Variants in TMEM135 observed in about 807,000 individuals in gnomAD.
TMEM135 encodes the protein transmembrane protein 135.
In TMEM135, 30 loss-of-function variants were observed where a neutral mutation model predicts 60.3. That is an observed-to-expected ratio of 0.50 (90% confidence interval 0.37 to 0.68). The LOEUF (loss-of-function observed/expected upper bound fraction) is 0.68, where lower values mean the gene tolerates loss of function less well. TMEM135 is among the 30% of genes least tolerant of loss of function. TMEM135 has a pLI of 0.00. For missense variants in TMEM135, 468 were observed against 548.8 expected, an observed-to-expected ratio of 0.85 and a Z score of 1.47; for synonymous variants, 190 against 186.7, an observed-to-expected ratio of 1.02 and a Z score of -0.14.
intron 6 of TMEM135, among the ~76,000 whole-genome samples, chr11:87,244,419 A>G (rs1193480126): frequency 1.2e-5 from 1 of 82,072 alleles, no homozygotes. Flanking sequence ...TAGTTTCAGA[A>G]GGAATGGTAC....
intron 6 of TMEM135, among the ~76,000 whole-genome samples, chr11:87,252,571 G>A (rs1941438898): frequency 6.6e-6 from 1 of 151,950 alleles, no homozygotes; most frequent in South Asian, 2.1e-4. Flanking sequence ...TCAGGAGTTT[G>A]AGACCAGCCT....
chr11:87,065,871 GTTTTTC>G (rs1310379475), intron 1 of TMEM135, among the ~76,000 whole-genome samples: 1 of 152,140 alleles, frequency 6.6e-6, no homozygotes, highest in African/African-American at 2.4e-5. Flanking sequence ...TTGAGGTTTA[GTTTTTC>G]TTTTCTTTTA....
In TMEM135 at chr11:87,325,734, CA is replaced by C; in HGVS notation, c.*4402del. 2.2e-6 allele frequency: 1 copy of C among 453,744 alleles called. No homozygotes were observed. The highest frequency in any genetic ancestry group is 1.6e-5 in the South Asian group (1 of 64,450). 28.1% of individuals were successfully genotyped at this position (453,744 alleles called of 1,614,324 possible). A position where few individuals can be genotyped will look rare whatever the true frequency, so the allele number is the denominator to read the frequency against. ...TTTTATATGCTCTGTTTTTCTTAGG[CA>C]GGATGATGTAGAAGATAATTGCACA... On this transcript the variant is annotated 3_prime_UTR_variant, in exon 15 of 15. Transcript: ENST00000305494.
chr11:87,167,437 T>C (rs1388506658), intron 5 of TMEM135, among the ~76,000 whole-genome samples: 1 of 152,186 alleles, frequency 6.6e-6, no homozygotes, highest in Admixed American at 6.5e-5. Flanking sequence ...TGATATTGTC[T>C]GTGGGTTTGT....
intron 5 of TMEM135, among the ~76,000 whole-genome samples, chr11:87,216,411 C>T (rs1215632102): frequency 1.3e-5 from 2 of 151,936 alleles, no homozygotes; most frequent in Non-Finnish European, 2.9e-5. Flanking sequence ...GCTTACTCTA[C>T]CCTGTTGTTT....
At chr11:87,261,055 T>C (rs1941642466) in intron 6 of TMEM135, among the ~76,000 whole-genome samples, 1 of 152,196 alleles carries the variant, frequency 6.6e-6, no homozygotes, top group Non-Finnish European at 1.5e-5. Flanking sequence ...CCAGAGAATT[T>C]AATTCCACTG....
At chr11:87,165,698 A>C (rs1289750330) in intron 5 of TMEM135, among the ~76,000 whole-genome samples, 1 of 151,562 alleles carries the variant, frequency 6.6e-6, no homozygotes, top group Admixed American at 6.6e-5. Context: ...AGCAAGAGCA[A>C]ATACATTCAA....
Position 87,038,042 on chromosome 11 carries a change from C to A in TMEM135, c.-4C>A. The A allele has an allele frequency of 1.9e-6, 3 of 1,614,044 alleles. No homozygotes were observed. The highest frequency in any genetic ancestry group is 2.5e-6 in the Non-Finnish European group (3 of 1,180,020). On this transcript the variant is annotated 5_prime_UTR_variant, in exon 1 of 15. Transcript: ENST00000305494. ...CTCCTGTCTTCTCCGCGCTGTTCCT[C>A]GTCATGGCGGCCCTCAGCAAGTCCA... is the stretch of plus-strand genomic sequence containing the variant.
chr11:87,130,642 A>C (rs1937899406), intron 4 of TMEM135, among the ~76,000 whole-genome samples: 1 of 151,916 alleles, frequency 6.6e-6, no homozygotes, highest in Non-Finnish European at 1.5e-5. Flanking sequence ...TAGCTGTTAA[A>C]CCTTTTGTAA....
intron 3 of TMEM135, among the ~76,000 whole-genome samples, chr11:87,075,780 T>TAC (rs1856858826): frequency 6.6e-6 from 1 of 152,234 alleles, no homozygotes. Flanking sequence ...TTTGCTGACG[T>TAC]GTAGAGGTAC....
chr11:87,143,595 C>T (rs1591052492), intron 4 of TMEM135, among the ~76,000 whole-genome samples: 1 of 152,176 alleles, frequency 6.6e-6, no homozygotes, highest in South Asian at 2.1e-4. Context: ...GCAGCAAACA[C>T]ACAGCAGCTT....
chr11:87,078,594 T>C (rs1006202344), intron 3 of TMEM135, among the ~76,000 whole-genome samples: 1 of 152,108 alleles, frequency 6.6e-6, no homozygotes, highest in African/African-American at 2.4e-5. Context: ...GTCCAAGTTA[T>C]CTATTTTTTC....
At chr11:87,307,990 A>G (rs918777992) in intron 9 of TMEM135, among the ~76,000 whole-genome samples, 31 of 152,282 alleles carry the variant, frequency 2.0e-4, no homozygotes, top group Non-Finnish European at 1.8e-4. Flanking sequence ...ATGTCATATC[A>G]TTTACATGTC....
chr11:87,268,350 A>C (rs1941795638), intron 6 of TMEM135, among the ~76,000 whole-genome samples: 1 of 151,494 alleles, frequency 6.6e-6, no homozygotes, highest in African/African-American at 2.4e-5. Context: ...TCTTGGGCTC[A>C]TGCAATCCCC....
Position 87,327,650 on chromosome 11 carries a change from A to C in TMEM135, c.*6317A>C, listed in dbSNP as rs548462955. On this transcript the variant is annotated 3_prime_UTR_variant, in exon 15 of 15. Coordinates refer to ENST00000305494, the MANE Select transcript of TMEM135 (RefSeq NM_022918.4). Reference sequence around the variant, plus strand: ...CCACCACAGGCCATTCATAACCTGGAGACCTTGGGATGCTGGTGGTCTGGC... The same window carrying C: ...CCACCACAGGCCATTCATAACCTGGCGACCTTGGGATGCTGGTGGTCTGGC... 296 of 453,976 alleles carry C rather than the reference A, an allele frequency of 6.5e-4. 2 individuals are homozygous for C. The highest frequency in any genetic ancestry group is 1.1e-3 in the Non-Finnish European group (253 of 226,768). 28.1% of individuals were successfully genotyped at this position (453,976 alleles called of 1,614,324 possible). A position where few individuals can be genotyped will look rare whatever the true frequency, so the allele number is the denominator to read the frequency against.
intron 4 of TMEM135, among the ~76,000 whole-genome samples, chr11:87,109,069 A>G (rs1857674950): frequency 6.6e-6 from 1 of 152,174 alleles, no homozygotes; most frequent in Admixed American, 6.5e-5. Flanking sequence ...TGGGTGAGAG[A>G]GAGTACAAAG....
intron 6 of TMEM135, among the ~76,000 whole-genome samples, chr11:87,247,976 C>T (rs1941325937): frequency 6.6e-6 from 1 of 150,536 alleles, no homozygotes; most frequent in African/African-American, 2.5e-5. Context: ...TAGACTGGAG[C>T]TGTTCCTATT....
At chr11:87,122,694 CAG>C (rs1180434885) in intron 4 of TMEM135, among the ~76,000 whole-genome samples, 1 of 152,090 alleles carries the variant, frequency 6.6e-6, no homozygotes, top group Non-Finnish European at 1.5e-5. Flanking sequence ...CTTCTGACCT[CAG>C]GTGACCCACC....
chr11:87,176,698 A>G (rs1349679215), intron 5 of TMEM135, among the ~76,000 whole-genome samples: 1 of 152,144 alleles, frequency 6.6e-6, no homozygotes, highest in Non-Finnish European at 1.5e-5. Flanking sequence ...GAATTTGATA[A>G]AAGTCTGGTT....
Sources: allele counts gnomAD v4.1 joint callset (sites outside exome capture counted in the v4.1 genomes callset), GRCh38; gene constraint gnomAD v4.1.1; transcripts MANE v1.5; gene names NCBI Gene and HGNC (gene_info 2026-07-23, HGNC 2026-07-21).